KDM4B: variants seen among roughly 807,000 people sequenced by gnomAD.
KDM4B encodes the protein lysine demethylase 4B.
In KDM4B, 32 loss-of-function variants were observed where a neutral mutation model predicts 125.2. The ratio of observed to expected loss-of-function variants is 0.26; its 90% CI spans 0.19 to 0.34. The LOEUF (loss-of-function observed/expected upper bound fraction) is 0.34. Among genes scored for constraint, KDM4B ranks in the 10% least tolerant of loss-of-function variants. The pLI is 1.00. For missense variants in KDM4B, 1,190 were observed against 1,577.7 expected, an observed-to-expected ratio of 0.75 and a Z score of 4.16; for synonymous variants, 721 against 677.9, an observed-to-expected ratio of 1.06 and a Z score of -0.99.
chr19:5,126,370 G>A (rs1391864337), intron 11 of KDM4B, among the ~76,000 whole-genome samples: 1 of 152,144 alleles, frequency 6.6e-6, no homozygotes, highest in Admixed American at 6.5e-5. Flanking sequence ...CAAGCAGAAA[G>A]CAGGAAGGCG....
intron 5 of KDM4B, among the ~76,000 whole-genome samples, chr19:5,045,827 C>T (rs543437939): frequency 6.6e-6 from 1 of 152,266 alleles, no homozygotes; most frequent in Non-Finnish European, 1.5e-5. Context: ...CCAGGCTGGT[C>T]TCAAGCTCCT....
chr19:5,100,879 T>A (rs1198087059), intron 9 of KDM4B, among the ~76,000 whole-genome samples: 1 of 152,190 alleles, frequency 6.6e-6, no homozygotes, highest in East Asian at 1.9e-4. Flanking sequence ...TGTAGTATCT[T>A]TTATTTCTGA....
At chr19:5,047,896 G>A (rs746201817) in intron 6 of KDM4B, among the ~76,000 whole-genome samples, 7 of 152,226 alleles carry the variant, frequency 4.6e-5, no homozygotes, top group Non-Finnish European at 1.0e-4. Flanking sequence ...TAGAGCTTGC[G>A]CTTTGTACCC....
At chr19:5,061,306 A>G (rs2037589702) in intron 6 of KDM4B, among the ~76,000 whole-genome samples, 3 of 152,218 alleles carry the variant, frequency 2.0e-5, no homozygotes, top group Admixed American at 1.3e-4. Context: ...TGTGTGTCTC[A>G]ATAAAAGGTC....
At chr19:5,084,514 A>T (rs1421064951) in intron 9 of KDM4B, among the ~76,000 whole-genome samples, 2 of 60,532 alleles carry the variant, frequency 3.3e-5, no homozygotes, top group Admixed American at 4.2e-4. Flanking sequence ...TTATATATAA[A>T]TATAAATTAT....
intron 9 of KDM4B, among the ~76,000 whole-genome samples, chr19:5,092,492 G>T (rs564890376): frequency 1.3e-5 from 2 of 152,110 alleles, no homozygotes; most frequent in Non-Finnish European, 2.9e-5. Context: ...CAGGAGCTCC[G>T]GGGGGGACAC....
intron 7 of KDM4B, chr19:5,075,562 C>T (rs2038079005): frequency 1.3e-5 from 2 of 152,256 alleles, no homozygotes; most frequent in Admixed American, 6.5e-5. Flanking sequence ...ATCTACCTGC[C>T]TCGGCCTCCC....
chr19:4,983,069 T>C (rs759919667), intron 1 of KDM4B, among the ~76,000 whole-genome samples: 2 of 152,120 alleles, frequency 1.3e-5, no homozygotes, highest in African/African-American at 2.4e-5. Context: ...CCCAGTTTTA[T>C]CATTTCAGCA....
rs527493982 is a variant in KDM4B at position 5,071,487 on chromosome 19, A to G, written c.676+428A>G. ...GCAGTCCGCTTACCTGCGGGGGAGC[A>G]GACATGGTGGCCGCACGGCGTTTGC... On this transcript the variant is annotated intron_variant, in intron 7 of 22. Transcript: ENST00000159111. 2.0e-4 allele frequency among the ~76,000 whole-genome samples: 31 copies of G among 152,378 alleles called. No individual in the cohort carries two copies. The East Asian group carries it at 5.2e-3, about 26-fold the overall frequency.
At chr19:5,099,803 C>G (rs763957592) in intron 9 of KDM4B, among the ~76,000 whole-genome samples, 1 of 152,242 alleles carries the variant, frequency 6.6e-6, no homozygotes, top group Non-Finnish European at 1.5e-5. Context: ...AAGGCACCAT[C>G]TAAGAACCAG....
At chr19:5,103,123 C>T (rs900312494) in intron 9 of KDM4B, among the ~76,000 whole-genome samples, 1 of 152,100 alleles carries the variant, frequency 6.6e-6, no homozygotes, top group Non-Finnish European at 1.5e-5. Context: ...CCAGTGGGGC[C>T]GGTGAGTGTG....
intron 5 of KDM4B, among the ~76,000 whole-genome samples, chr19:5,041,559 C>T (rs772944901): frequency 4.7e-4 from 71 of 152,254 alleles, no homozygotes; most frequent in Non-Finnish European, 7.2e-4. Context: ...CAGTCCCTGC[C>T]GCTCGTCTTC....
chr19:5,073,992 C>T (rs35218861), intron 7 of KDM4B: 48,487 of 152,330 alleles, frequency 0.32, 9,285 homozygotes, highest in East Asian at 0.9. Flanking sequence ...TCTGTAGTCT[C>T]AGCTACTCAG....
At chr19:5,043,129 G>A (rs2036875340) in intron 5 of KDM4B, among the ~76,000 whole-genome samples, 1 of 151,646 alleles carries the variant, frequency 6.6e-6, no homozygotes, top group Admixed American at 6.6e-5. Context: ...ATCGGAGTGG[G>A]GTGTCCACCT....
chr19:5,027,177 G>A (rs980498995), intron 2 of KDM4B, among the ~76,000 whole-genome samples: 1 of 152,256 alleles, frequency 6.6e-6, no homozygotes, highest in African/African-American at 2.4e-5. Context: ...GGCAGAGGCA[G>A]AAGCCGGTAC....
At chr19:5,066,704 G>A (rs1264697461) in intron 6 of KDM4B, among the ~76,000 whole-genome samples, 1 of 152,170 alleles carries the variant, frequency 6.6e-6, no homozygotes, top group African/African-American at 2.4e-5. Context: ...AGCCTTCTGC[G>A]GCCAGCACCA....
intron 9 of KDM4B, among the ~76,000 whole-genome samples, chr19:5,106,369 G>A (rs2039034170): frequency 6.6e-6 from 1 of 152,178 alleles, no homozygotes; most frequent in South Asian, 2.1e-4. Context: ...GATTAGGGAT[G>A]AGCTTGCCTG....
At chr19:5,151,256 C>T (rs1189715141) in intron 22 of KDM4B, 79 bp from the exon 23 acceptor site, 5 of 1,240,570 alleles carry the variant, frequency 4.0e-6, no homozygotes, top group Non-Finnish European at 3.1e-6. Flanking sequence ...GCCAGCTCCT[C>T]TCAGAGGCCA....
intron 2 of KDM4B, among the ~76,000 whole-genome samples, chr19:5,031,702 A>T (rs2036465325): frequency 6.6e-6 from 1 of 152,160 alleles, no homozygotes; most frequent in Non-Finnish European, 1.5e-5. Flanking sequence ...TTTTGTCAGG[A>T]TGGAGGGTTC....
Sources: allele counts gnomAD v4.1 joint callset (sites outside exome capture counted in the v4.1 genomes callset), GRCh38; gene constraint gnomAD v4.1.1; transcripts MANE v1.5; gene names NCBI Gene and HGNC (gene_info 2026-07-23, HGNC 2026-07-21).